The following EHHADH variants were observed in gnomAD, a reference collection of about 807,000 sequenced individuals.
EHHADH encodes the protein enoyl-CoA hydratase and 3-hydroxyacyl CoA dehydrogenase.
Under a neutral mutation model 64.4 loss-of-function variants are expected in EHHADH, and 48 were observed. The observed-to-expected ratio is 0.75, with a 90% CI of 0.59 to 0.95. The LOEUF (loss-of-function observed/expected upper bound fraction) is 0.95. Among genes scored for constraint, EHHADH ranks in the 40% least tolerant of loss-of-function variants. The pLI, the probability that EHHADH is intolerant of heterozygous loss-of-function variation, is 0.00. For synonymous variants in EHHADH, 308 were observed against 326.7 expected (o/e 0.94, Z 0.62); for missense variants, 854 against 876.6 (o/e 0.97, Z 0.33).
chr3:185,228,280 G>GGGAGA (rs1719054845), intron 4 of EHHADH, among the ~76,000 whole-genome samples: 2 of 95,574 alleles, frequency 2.1e-5, no homozygotes, highest in Non-Finnish European at 4.0e-5. Flanking sequence ...ATATATATAT[G>GGGAGA]GAGAGAGAGA....
At chr3:185,245,199 T>C (rs1402545218) in intron 2 of EHHADH, among the ~76,000 whole-genome samples, 1 of 152,194 alleles carries the variant, frequency 6.6e-6, no homozygotes, top group African/African-American at 2.4e-5. Context: ...TATCTTGTAT[T>C]TTACAGAAGT....
intron 1 of EHHADH, among the ~76,000 whole-genome samples, chr3:185,252,417 TA>T (rs147886408): frequency 1.3e-4 from 16 of 125,630 alleles, no homozygotes; most frequent in South Asian, 5.0e-4. Context: ...CAAATGAGCT[TA>T]AAAAAAAAAG....
At chr3:185,206,169 G>A (rs1263767490) in intron 5 of EHHADH, among the ~76,000 whole-genome samples, 1 of 151,902 alleles carries the variant, frequency 6.6e-6, no homozygotes, top group East Asian at 1.9e-4. Context: ...AGCATACTGT[G>A]ACCCTAAAGC....
intron 6 of EHHADH, among the ~76,000 whole-genome samples, chr3:185,199,968 C>T (rs1440545889): frequency 1.3e-5 from 2 of 152,122 alleles, no homozygotes; most frequent in Non-Finnish European, 2.9e-5. Flanking sequence ...GACTGTATGG[C>T]CCACAAAGCT....
Position 185,192,962 on chromosome 3 carries a change from A to G in EHHADH, c.1436T>C (p.Phe479Ser), listed in dbSNP as rs1206157698. Residue 479 changes from phenylalanine (F) to serine (S), a missense_variant, in exon 7 of 7, where the codon TTT becomes TCT. By Grantham distance (155) the Phe-to-Ser change is radical. Coordinates refer to ENST00000231887, the MANE Select transcript of EHHADH (RefSeq NM_001966.4). Reference protein sequence around the residue: ...IGVVVGNCFGFVGNRMLNPYY... With the variant: ...IGVVVGNCFGSVGNRMLNPYY... ...AGGATTCAACATTCGATTCCCCACA[A>G]ATCCAAAACAGTTGCCTACAACGAC... 1 of 1,614,184 alleles carries G rather than the reference A, an allele frequency of 6.2e-7. No individual in the cohort carries two copies. Among genetic ancestry groups the G allele is most frequent in the Admixed American group, 1.7e-5 (1 of 60,020 alleles).
chr3:185,222,804 T>C (rs1328774176), intron 4 of EHHADH, among the ~76,000 whole-genome samples: 2 of 152,254 alleles, frequency 1.3e-5, no homozygotes, highest in African/African-American at 2.4e-5. Context: ...ATTTAGATCA[T>C]CATTCTTCAT....
At position 185,193,138 on chromosome 3, in the gene EHHADH, A is replaced by C. The variant is rs766423200; in HGVS notation, c.1260T>G (p.Ser420=). ...TSALDVDEIA[S]STDRPHLVIG... ...TGACCAAGTGAGGACGATCAGTGGA[A>C]GAAGCAATCTCATCAACATCCAGGG... The change falls in exon 7 of 7, where the codon TCT becomes TCG. Residue 420 remains serine (S), a synonymous_variant. Transcript: ENST00000231887. 1.2e-6 allele frequency: 2 copies of C among 1,613,306 alleles called. No individual in the cohort carries two copies. The highest frequency in any genetic ancestry group is 1.7e-6 in the Non-Finnish European group (2 of 1,179,712).
At chr3:185,233,650 G>T (rs1202957833) in intron 3 of EHHADH, among the ~76,000 whole-genome samples, 1 of 151,994 alleles carries the variant, frequency 6.6e-6, no homozygotes, top group African/African-American at 2.4e-5. Context: ...GGTTTTTTTT[G>T]TTGTTGTTTG....
At position 185,193,090 on chromosome 3, in the gene EHHADH, T is replaced by C. The variant is rs770386767; in HGVS notation, c.1308A>G (p.Pro436=). The part of the protein sequence containing the change: ...HLVIGTHFFS[P]AHVMKLLEVI... ...CCTCTAACAACTTCATGACATGAGC[T>C]GGCGAAAAGAAGTGGGTGCCAATGA... The change falls in exon 7 of 7, where the codon CCA becomes CCG. Residue 436 remains proline, a synonymous_variant. Coordinates refer to ENST00000231887, the MANE Select transcript of EHHADH (RefSeq NM_001966.4). 6.2e-7 allele frequency: 1 copy of C among 1,613,902 alleles called. No individual in the cohort carries two copies. The highest frequency in any genetic ancestry group is 1.1e-5 in the South Asian group (1 of 91,022).
At chr3:185,206,283 TAA>T (rs60032581) in intron 5 of EHHADH, among the ~76,000 whole-genome samples, 19,233 of 123,674 alleles carry the variant, frequency 0.16, 2,810 homozygotes, top group African/African-American at 0.39. Context: ...CCAAAAACAA[TAA>T]AAAAAAAAAA....
chr3:185,192,987 C>G lies in EHHADH; in HGVS notation c.1411G>C (p.Val471Leu), dbSNP rs1477197731. The G allele has an allele frequency of 7.4e-6, 12 of 1,614,106 alleles. No homozygotes were observed. The highest frequency in any genetic ancestry group is 9.3e-6 in the Non-Finnish European group (11 of 1,180,052). Residue 471 changes from valine to leucine, a missense_variant, in exon 7 of 7, where the codon GTC (valine) becomes CTC (leucine). Val to Leu is a conservative substitution (Grantham distance 32). Transcript: ENST00000231887. The stretch of plus-strand genomic sequence containing the variant: ...AATCCAAAACAGTTGCCTACAACGA[C>G]TCCAATCTTTTTAATCTTTTTTGAT... ...NLSKKIKKIG[V>L]VVGNCFGFVG...
intron 5 of EHHADH, among the ~76,000 whole-genome samples, chr3:185,206,638 G>A (rs1208089721): frequency 6.6e-6 from 1 of 151,962 alleles, no homozygotes; most frequent in Non-Finnish European, 1.5e-5. Context: ...GACCAGCCTG[G>A]GCAACATGGT....
At chr3:185,194,202 G>T (rs908913655) in intron 6 of EHHADH, among the ~76,000 whole-genome samples, 3 of 152,220 alleles carry the variant, frequency 2.0e-5, no homozygotes, top group African/African-American at 7.2e-5. Context: ...TGGGTGAGGT[G>T]GCTCGTGCCT....
Position 185,204,674 on chromosome 3 carries a change from A to G in EHHADH, c.652T>C (p.Leu218=), listed in dbSNP as rs1442344269. 1 of 1,614,234 alleles carries G rather than the reference A, an allele frequency of 6.2e-7. No homozygotes were observed. Among genetic ancestry groups the G allele is most frequent in the South Asian group, 1.1e-5 (1 of 91,084 alleles). The change falls in exon 6 of 7, where the codon TTG becomes CTG. Residue 218 remains leucine (L), a synonymous_variant. Transcript: ENST00000231887. The stretch of plus-strand genomic sequence containing the variant: ...CCAGGGTGCTGCCTCCGCATCTTCA[A>G]GAGGGCCTCACTAAAAATGCTGTCC... ...NMDSIFSEAL[L]KMRRQHPGCL... is the part of the protein sequence containing the mutation.
chr3:185,249,274 G>A (rs934929485), intron 1 of EHHADH, among the ~76,000 whole-genome samples: 4 of 152,136 alleles, frequency 2.6e-5, no homozygotes, highest in East Asian at 1.9e-4. Flanking sequence ...GACTACAGGC[G>A]CCCGCCACCA....
chr3:185,234,601 CTGTAG>C (rs1719233200), intron 3 of EHHADH, among the ~76,000 whole-genome samples: 2 of 70,972 alleles, frequency 2.8e-5, no homozygotes, highest in African/African-American at 8.7e-5. Flanking sequence ...AGGAGTTCCC[CTGTAG>C]CTGATGGATC....
Position 185,216,784 on chromosome 3 carries a change from C to T in EHHADH, c.568+1352G>A, listed in dbSNP as rs1231851117. On this transcript the variant is annotated intron_variant, in intron 5 of 6. Transcript: ENST00000231887. This position sits in a 1 kb window ranked among gnomAD's most constrained non-coding sequence, Gnocchi z 5.3. The stretch of plus-strand genomic sequence containing the variant: ...CACTGGGCCATTGCCTGCCACCAAG[C>T]GGGAGACCAGCACTCTGTTCTGCCT... Among the ~76,000 whole-genome samples the T allele has an allele frequency of 6.6e-6, 1 of 152,162 alleles. No individual in the cohort carries two copies. Among genetic ancestry groups the T allele is most frequent in the African/African-American group, 2.4e-5 (1 of 41,434 alleles).
rs557845711 is a variant in EHHADH, at chr3:185,216,581, T to C, written c.568+1555A>G. ...TGGGCAAGGACTTGCTGATTCTCTT[T>C]AGGGGTCTCCATTATTTTCTCCCCA... On this transcript the variant is annotated intron_variant, in intron 5 of 6. Coordinates refer to ENST00000231887, the MANE Select transcript of EHHADH (RefSeq NM_001966.4). This position sits in a 1 kb window ranked among gnomAD's most constrained non-coding sequence, Gnocchi z 5.3. Among the ~76,000 whole-genome samples the C allele has an allele frequency of 6.6e-6, 1 of 152,356 alleles. No homozygotes were observed. Among genetic ancestry groups the C allele is most frequent in the South Asian group, 2.1e-4 (1 of 4,832 alleles).
chr3:185,236,646 G>T (rs1476002366), intron 2 of EHHADH, among the ~76,000 whole-genome samples: 1 of 151,608 alleles, frequency 6.6e-6, no homozygotes, highest in Admixed American at 6.6e-5. Flanking sequence ...TTTGCTACCT[G>T]TTCCTCATCT....
Sources: allele counts gnomAD v4.1 joint callset (sites outside exome capture counted in the v4.1 genomes callset), GRCh38; gene constraint gnomAD v4.1.1; non-coding constraint Gnocchi (gnomAD v3.1); transcripts MANE v1.5; gene names NCBI Gene and HGNC (gene_info 2026-07-23, HGNC 2026-07-21).